The following NAV1 variants were observed in gnomAD, a reference collection of about 807,000 sequenced individuals.
The protein encoded by NAV1 is pore membrane and/or filament interacting like protein 3.
A neutral mutation model predicts 175.2 loss-of-function variants in NAV1; 18 were observed. That is an observed-to-expected ratio of 0.10 (90% confidence interval 0.07 to 0.15). The LOEUF is 0.15. Ranked by LOEUF, NAV1 falls within the 10% of genes least tolerant of loss-of-function variation. The pLI, the probability that NAV1 is intolerant of heterozygous loss-of-function variation, is 1.00. For missense variants in NAV1, 1,731 were observed against 2,436.6 expected, an observed-to-expected ratio of 0.71 and a Z score of 6.10; for synonymous variants, 897 against 978.7, an observed-to-expected ratio of 0.92 and a Z score of 1.56.
chr1:201,565,619 C>G (rs1666332781), intron 1 of NAV1, among the ~76,000 whole-genome samples: 1 of 152,238 alleles, frequency 6.6e-6, no homozygotes, highest in African/African-American at 2.4e-5. Flanking sequence ...GAACTGAGCC[C>G]CCTCTGTGGG....
At chr1:201,575,589 G>A (rs963135208) in intron 1 of NAV1, among the ~76,000 whole-genome samples, 3 of 152,168 alleles carry the variant, frequency 2.0e-5, no homozygotes, top group African/African-American at 7.2e-5. Flanking sequence ...CAGTCTGTTG[G>A]AGGAAATGTT....
chr1:201,698,379 T>C (rs1459047121), intron 1 of NAV1, among the ~76,000 whole-genome samples: 1 of 152,196 alleles, frequency 6.6e-6, no homozygotes, highest in Non-Finnish European at 1.5e-5. Flanking sequence ...GCAGCCCCTA[T>C]TGTATGGGTG....
chr1:201,546,459 A>C (rs763480671), intron 1 of NAV1, among the ~76,000 whole-genome samples: 14 of 152,184 alleles, frequency 9.2e-5, no homozygotes, highest in Non-Finnish European at 1.9e-4. Flanking sequence ...AAGTTCCCCC[A>C]CACACAAGGT....
chr1:201,806,215 C>T (rs1408061941), intron 17 of NAV1, among the ~76,000 whole-genome samples: 1 of 152,104 alleles, frequency 6.6e-6, no homozygotes, highest in Admixed American at 6.5e-5. Context: ...AAACTCCTGA[C>T]CTCAGCTGAT....
At chr1:201,779,595 T>G (rs1261957521) in intron 3 of NAV1, among the ~76,000 whole-genome samples, 3 of 14,080 alleles carry the variant, frequency 2.1e-4, no homozygotes, top group African/African-American at 2.5e-4. Context: ...CAGGACTCCG[T>G]CTCAAAAAAA....
chr1:201,554,746 A>T (rs1276916681), intron 1 of NAV1, among the ~76,000 whole-genome samples: 1 of 152,210 alleles, frequency 6.6e-6, no homozygotes, highest in African/African-American at 2.4e-5. Context: ...TAGAGTCCTT[A>T]TCCATCAAAT....
chr1:201,672,313 C>T (rs1670072510), intron 1 of NAV1, among the ~76,000 whole-genome samples: 1 of 151,966 alleles, frequency 6.6e-6, no homozygotes, highest in African/African-American at 2.4e-5. Context: ...TTTTCAATTG[C>T]TGGTTGCAAT....
Position 201,571,602 on chromosome 1 carries a change from A to G in NAV1, c.-143-16937A>G, listed in dbSNP as rs564095746. 3.3e-5 allele frequency among the ~76,000 whole-genome samples: 5 copies of G among 152,218 alleles called. No homozygotes were observed. The East Asian group carries it at 7.7e-4, about 23-fold the overall frequency. ...TGGGGCTGTCCCTAGGTCTCTGGCT[A>G]TGGGTGCCCAGCAGAACTGCAAGGG... On this transcript the variant is annotated intron_variant, in intron 1 of 33. Coordinates refer to the NAV1 transcript ENST00000685211.
intron 1 of NAV1, among the ~76,000 whole-genome samples, chr1:201,545,587 C>G (rs893158561): frequency 6.6e-6 from 1 of 152,102 alleles, no homozygotes; most frequent in African/African-American, 2.4e-5. Context: ...TCTTACTCAC[C>G]TTCCTCATTA....
chr1:201,566,257 C>T (rs1396270296), intron 1 of NAV1, among the ~76,000 whole-genome samples: 1 of 152,102 alleles, frequency 6.6e-6, no homozygotes, highest in Non-Finnish European at 1.5e-5. Context: ...CATGAAATGC[C>T]GGCAGCTCCA....
chr1:201,713,918 C>A (rs1461517478), intron 2 of NAV1, among the ~76,000 whole-genome samples: 4 of 152,194 alleles, frequency 2.6e-5, no homozygotes, highest in Non-Finnish European at 5.9e-5. Context: ...TACATACCAC[C>A]AATGACAAAG....
chr1:201,617,832 C>T (rs551695257), intron 2 of NAV1, among the ~76,000 whole-genome samples: 7 of 152,282 alleles, frequency 4.6e-5, no homozygotes, highest in African/African-American at 7.2e-5. Context: ...CTCAAGACAG[C>T]AAACATTTTC....
chr1:201,757,386 C>T (rs1406361267), intron 3 of NAV1, among the ~76,000 whole-genome samples: 3 of 152,102 alleles, frequency 2.0e-5, no homozygotes, highest in Admixed American at 6.6e-5. Flanking sequence ...CTTCCTTTCT[C>T]ACTTCCTGAA....
rs1571910527 is a variant in NAV1, at chr1:201,728,375, T to C, written c.1226+9620T>C. Among the ~76,000 whole-genome samples the C allele has an allele frequency of 2.6e-5, 4 of 152,054 alleles. No individual in the cohort carries two copies. In the East Asian group the frequency reaches 5.8e-4, roughly 22 times the overall value. On this transcript the variant is annotated intron_variant, in intron 3 of 29. Coordinates refer to ENST00000367296, the Ensembl canonical transcript of NAV1. ...GGGAGGCCGAGGCAGGTGGATCACC[T>C]GAGGTCAGGAGTTCAAGACCAGCCT... is the stretch of plus-strand genomic sequence containing the variant.
At chr1:201,672,703 G>A (rs1169757607) in intron 1 of NAV1, among the ~76,000 whole-genome samples, 2 of 152,214 alleles carry the variant, frequency 1.3e-5, no homozygotes, top group Non-Finnish European at 2.9e-5. Flanking sequence ...GGGTGTCATA[G>A]AAATAAGGTG....
chr1:201,803,936 G>C (rs1302055404), intron 16 of NAV1: 1 of 579,982 alleles, frequency 1.7e-6, no homozygotes, highest in Admixed American at 2.3e-5. Flanking sequence ...ATATGCATCT[G>C]CTTTCTTTGG....
chr1:201,808,344 C>T lies in NAV1; in HGVS notation c.3846-74C>T, dbSNP rs1678443084. The T allele has an allele frequency of 6.6e-7, 1 of 1,513,608 alleles. No individual in the cohort carries two copies. Among genetic ancestry groups the T allele is most frequent in the Non-Finnish European group, 8.9e-7 (1 of 1,123,586 alleles). The allele number at this position is 1,513,608 out of a possible 1,614,324, so 93.8% of individuals were successfully genotyped here. On this transcript the variant is annotated intron_variant, in intron 18 of 29. Transcript: ENST00000367296. The surrounding 1 kb of genome is among the most constrained non-coding windows in gnomAD (Gnocchi z 5.5). ...GGGCAGGAGAAGCCAAGACCACCAA[C>T]CATGCCTCTCAATATTCTCTAGTAA...
At chr1:201,823,363 CGT>C (rs4025040) in exon 30 of NAV1, 17,835 of 114,830 alleles carry the variant, frequency 0.16, 1,265 homozygotes, top group Non-Finnish European at 0.24. Context: ...CTGATGTCTG[CGT>C]GTGTGTGTGT....
rs896300666 is a variant in NAV1, at chr1:201,686,346, T to C, written c.758-26471T>C. Among the ~76,000 whole-genome samples the C allele has an allele frequency of 3.4e-4, 52 of 151,934 alleles. 1 individual carries two copies. The highest frequency in any genetic ancestry group is 1.2e-3 in the African/African-American group (48 of 41,324). On this transcript the variant is annotated intron_variant, in intron 1 of 29. Transcript: ENST00000367296. The stretch of plus-strand genomic sequence containing the variant: ...CCCAGGGTACCATGCTCTAACATTA[T>C]CTCTCACACCTTCCCCAGGTCCCCA...
Sources: allele counts gnomAD v4.1 joint callset (sites outside exome capture counted in the v4.1 genomes callset), GRCh38; gene constraint gnomAD v4.1.1; non-coding constraint Gnocchi (gnomAD v3.1); transcripts MANE v1.5; gene names NCBI Gene and HGNC (gene_info 2026-07-23, HGNC 2026-07-21).